Variants in ACTN1 observed in about 807,000 individuals in gnomAD.
ACTN1 encodes alpha-actinin-1.
A neutral mutation model predicts 119.6 loss-of-function variants in ACTN1; 30 were observed. The ratio of observed to expected loss-of-function variants is 0.25; its 90% CI spans 0.19 to 0.34. The LOEUF is 0.34. Ranked by LOEUF, ACTN1 falls within the 10% of genes least tolerant of loss-of-function variation. The probability of loss-of-function intolerance (pLI) is 1.00; values close to 1 mark genes in which losing one functional copy is unlikely to be tolerated. For missense variants in ACTN1, 764 were observed against 1,223.4 expected, an observed-to-expected ratio of 0.62 and a Z score of 5.60; for synonymous variants, 429 against 472.6, an observed-to-expected ratio of 0.91 and a Z score of 1.20.
At chr14:68,945,171 AAAAAAAG>A (rs962205262) in intron 1 of ACTN1, among the ~76,000 whole-genome samples, 5 of 151,502 alleles carry the variant, frequency 3.3e-5, no homozygotes, top group African/African-American at 1.2e-4. Flanking sequence ...TTCAAAAAAA[AAAAAAAG>A]AAAGAAAGAA....
At chr14:68,907,218 C>T (rs1025446770) in intron 6 of ACTN1, among the ~76,000 whole-genome samples, 5 of 143,178 alleles carry the variant, frequency 3.5e-5, no homozygotes, top group African/African-American at 7.9e-5. Flanking sequence ...GCCAAGATCA[C>T]GCCACTGCAC....
rs567495219 is a variant in ACTN1, at chr14:68,894,680, G to A, written c.763-933C>T. On this transcript the variant is annotated intron_variant, in intron 8 of 21. Transcript: ENST00000394419. Reference sequence around the variant, plus strand: ...ACTCAAAGCCTTTTGGGGGCCAGAGGGTAGAAAGGAAGACAGCCTGGGGGT... The same window carrying A: ...ACTCAAAGCCTTTTGGGGGCCAGAGAGTAGAAAGGAAGACAGCCTGGGGGT... Among the ~76,000 whole-genome samples the A allele has an allele frequency of 3.9e-5, 6 of 152,226 alleles. No individual in the cohort carries two copies. The South Asian group carries it at 8.3e-4, about 21-fold the overall frequency.
chr14:68,880,695 G>A lies in ACTN1; in HGVS notation c.2133+115C>T, dbSNP rs570026291. ...AAATTGAAGATGTGAGGCTTCAGGG[G>A]TGAAGTTAATTTATCCTCCAACTAT... is the stretch of plus-strand genomic sequence containing the variant. On this transcript the variant is annotated intron_variant, in intron 17 of 21. Transcript: ENST00000394419. This position sits in a 1 kb window ranked among gnomAD's most constrained non-coding sequence, Gnocchi z 4.6. 935 of 1,099,512 alleles carry A rather than the reference G, an allele frequency of 8.5e-4. 15 individuals are homozygous for A. The South Asian group carries it at 0.013, about 16-fold the overall frequency. The allele number at this position is 1,099,512 out of a possible 1,614,324, so 68.1% of individuals were successfully genotyped here. A position where few individuals can be genotyped will look rare whatever the true frequency, so the allele number is the denominator to read the frequency against.
chr14:68,877,429 G>T, intron 20 of ACTN1, 189 bp from the exon 21 acceptor site: 1 of 603,530 alleles, frequency 1.7e-6, no homozygotes, highest in Non-Finnish European at 2.8e-6. Context: ...CCCAGCTCAG[G>T]GTTCCCCACA....
intron 3 of ACTN1, 146 bp from the exon 4 acceptor site, chr14:68,912,388 T>C (rs1004415040): frequency 1.0e-4 from 71 of 689,578 alleles, no homozygotes; most frequent in Non-Finnish European, 1.7e-4. Flanking sequence ...GGATTTTTGC[T>C]TGTTTTTGAG....
intron 1 of ACTN1, among the ~76,000 whole-genome samples, chr14:68,966,753 C>A (rs2036720436): frequency 1.3e-5 from 2 of 152,140 alleles, no homozygotes; most frequent in African/African-American, 4.8e-5. Context: ...CCAGAGAGAA[C>A]CCTCAGCAGA....
intron 21 of ACTN1, among the ~76,000 whole-genome samples, chr14:68,875,939 T>A (rs1444083221): frequency 1.3e-5 from 2 of 152,256 alleles, no homozygotes; most frequent in African/African-American, 2.4e-5. Flanking sequence ...TATTCCCTTA[T>A]AGACAGACAT....
intron 21 of ACTN1, among the ~76,000 whole-genome samples, chr14:68,875,407 T>G (rs2030784619): frequency 6.6e-6 from 1 of 152,254 alleles, no homozygotes; most frequent in Non-Finnish European, 1.5e-5. Flanking sequence ...AACTGAGCTC[T>G]CTGGACGCCT....
intron 1 of ACTN1, among the ~76,000 whole-genome samples, chr14:68,941,732 G>A (rs1312977813): frequency 6.7e-6 from 1 of 149,064 alleles, no homozygotes; most frequent in Non-Finnish European, 1.5e-5. Flanking sequence ...GAGACAAAAA[G>A]AACGACTCCA....
intron 9 of ACTN1, among the ~76,000 whole-genome samples, chr14:68,893,431 CA>C (rs1392697773): frequency 2.0e-5 from 3 of 152,300 alleles, no homozygotes; most frequent in South Asian, 4.1e-4. Context: ...CTCTGAGAGG[CA>C]AAGGGATATC....
chr14:68,876,146 G>A (rs1046241059), intron 21 of ACTN1, among the ~76,000 whole-genome samples: 2 of 152,206 alleles, frequency 1.3e-5, no homozygotes, highest in South Asian at 2.1e-4. Context: ...ACAGGTGCAC[G>A]CCACCACGCC....
chr14:68,927,729 G>C (rs550317376), intron 1 of ACTN1, among the ~76,000 whole-genome samples: 2 of 152,356 alleles, frequency 1.3e-5, no homozygotes, highest in African/African-American at 2.4e-5. Context: ...CACTGCAGGA[G>C]ATGAGAGGGC....
At chr14:68,956,014 T>C (rs1298879195) in intron 1 of ACTN1, among the ~76,000 whole-genome samples, 1 of 152,152 alleles carries the variant, frequency 6.6e-6, no homozygotes, top group Non-Finnish European at 1.5e-5. Flanking sequence ...GTGAAGCAGC[T>C]GGAGCCAGGC....
At chr14:68,952,090 T>A (rs1000484470) in intron 1 of ACTN1, among the ~76,000 whole-genome samples, 1 of 152,212 alleles carries the variant, frequency 6.6e-6, no homozygotes, top group Non-Finnish European at 1.5e-5. Context: ...AGCTGAGAGC[T>A]GAGGGAGGTC....
Position 68,878,659 on chromosome 14 carries a change from T to C in ACTN1, c.2362-136A>G. The C allele has an allele frequency of 3.9e-6, 6 of 1,545,522 alleles. No individual in the cohort carries two copies. Among genetic ancestry groups the C allele is most frequent in the Non-Finnish European group, 5.2e-6 (6 of 1,148,176 alleles). On this transcript the variant is annotated intron_variant, in intron 19 of 21. Coordinates refer to ENST00000394419, the MANE Select transcript of ACTN1 (RefSeq NM_001130004.2). The surrounding 1 kb of genome is among the most constrained non-coding windows in gnomAD (Gnocchi z 4.4). ...TTATGGTTTTGGGGGTCAGGATAGG[T>C]AAAGGAACATAGGAGAAGATGCGAA...
chr14:68,928,706 G>A (rs1193727366), intron 1 of ACTN1, among the ~76,000 whole-genome samples: 2 of 152,232 alleles, frequency 1.3e-5, no homozygotes, highest in East Asian at 3.9e-4. Flanking sequence ...AGTGAACAGT[G>A]GGGAGGAGGA....
intron 1 of ACTN1, chr14:68,977,772 GCACTATCCA>G: frequency 2.9e-6 from 1 of 342,554 alleles, no homozygotes; most frequent in South Asian, 2.1e-5. Context: ...AGCCCTAACC[GCACTATCCA>G]AAGGGACGCG....
rs772967464 is a variant in ACTN1 at position 68,904,688 on chromosome 14, A to G, written c.643T>C (p.Tyr215His). ...TCCAGCATCTTGGGGATGTCCAGGT[A>G]CTTCTCTGCCACGTCAAAAGCCGTA... is the stretch of plus-strand genomic sequence containing the variant. Reference protein sequence around the residue: ...LNTAFDVAEKYLDIPKMLDAE... With the variant: ...LNTAFDVAEKHLDIPKMLDAE... Residue 215 changes from tyrosine (Y) to histidine (H), a missense_variant, in exon 7 of 22, where the codon TAC becomes CAC. Physicochemically the swap from Tyr to His is moderately conservative, Grantham distance 83. Transcript: ENST00000394419. The G allele has an allele frequency of 6.2e-7, 1 of 1,614,166 alleles. No homozygotes were observed. Among genetic ancestry groups the G allele is most frequent in the Non-Finnish European group, 8.5e-7 (1 of 1,179,986 alleles).
intron 3 of ACTN1, among the ~76,000 whole-genome samples, chr14:68,918,767 C>T (rs1193749053): frequency 6.6e-6 from 1 of 152,006 alleles, no homozygotes; most frequent in Non-Finnish European, 1.5e-5. Context: ...CTGTCCTGGG[C>T]TCTGACTGGG....
Sources: gnomAD v4.1 joint callset for allele counts (sites outside exome capture counted in the v4.1 genomes callset) on GRCh38, gnomAD v4.1.1 for gene constraint, Gnocchi (gnomAD v3.1) non-coding constraint, MANE v1.5 for transcripts, NCBI Gene and HGNC (gene_info 2026-07-23, HGNC 2026-07-21) for gene names.